ADAMTS6: variants seen among roughly 807,000 people sequenced by gnomAD.
ADAMTS6 encodes the protein ADAM metallopeptidase with thrombospondin type 1 motif 6.
Under a neutral mutation model 144.3 loss-of-function variants are expected in ADAMTS6, and 23 were observed. That is an observed-to-expected ratio of 0.16 (90% CI 0.11 to 0.23). The LOEUF is 0.23. Among genes scored for constraint, ADAMTS6 ranks in the 10% least tolerant of loss-of-function variants. The probability of loss-of-function intolerance (pLI) is 1.00; values close to 1 mark genes in which losing one functional copy is unlikely to be tolerated. For synonymous variants in ADAMTS6, 444 were observed against 457.5 expected (o/e 0.97, Z 0.38); for missense variants, 999 against 1,379.6 (o/e 0.72, Z 4.37).
intron 12 of ADAMTS6, among the ~76,000 whole-genome samples, chr5:65,271,846 G>A (rs1350075375): frequency 6.6e-6 from 1 of 151,898 alleles, no homozygotes; most frequent in Non-Finnish European, 1.5e-5. Flanking sequence ...TTTCAAGAAT[G>A]CAATTCCTAA....
chr5:65,465,843 T>C (rs553356622), intron 3 of ADAMTS6, among the ~76,000 whole-genome samples: 2 of 152,354 alleles, frequency 1.3e-5, no homozygotes, highest in South Asian at 4.1e-4. Context: ...CCCTGACCTC[T>C]TGGAATGCCC....
chr5:65,372,057 T>C (rs369010878), intron 7 of ADAMTS6, among the ~76,000 whole-genome samples: 1 of 151,808 alleles, frequency 6.6e-6, no homozygotes, highest in East Asian at 1.9e-4. Context: ...AAATACTTTA[T>C]AGACAAGCAA....
intron 7 of ADAMTS6, among the ~76,000 whole-genome samples, chr5:65,419,007 G>A (rs181011088): frequency 6.6e-6 from 1 of 152,256 alleles, no homozygotes; most frequent in Admixed American, 6.5e-5. Context: ...CAAAGAACTT[G>A]AAACCGAATT....
At chr5:65,407,094 A>G (rs1754584853) in intron 7 of ADAMTS6, among the ~76,000 whole-genome samples, 1 of 152,194 alleles carries the variant, frequency 6.6e-6, no homozygotes, top group Non-Finnish European at 1.5e-5. Context: ...AGCCCAACCT[A>G]GCAAGGCAAG....
chr5:65,418,704 A>T (rs1179451862), intron 7 of ADAMTS6, among the ~76,000 whole-genome samples: 3 of 152,236 alleles, frequency 2.0e-5, no homozygotes, highest in Non-Finnish European at 2.9e-5. Context: ...CAACTCAACA[A>T]GAAAATAAAT....
At chr5:65,156,496 C>T (rs1752431042) in intron 24 of ADAMTS6, among the ~76,000 whole-genome samples, 1 of 152,098 alleles carries the variant, frequency 6.6e-6, no homozygotes, top group South Asian at 2.1e-4. Context: ...TTACAGTTGG[C>T]ATTGATTTCT....
chr5:65,432,845 A>C (rs1330123253), intron 7 of ADAMTS6, among the ~76,000 whole-genome samples: 1 of 152,056 alleles, frequency 6.6e-6, no homozygotes, highest in African/African-American at 2.4e-5. Context: ...CAGTAAGCTC[A>C]TTCTTTAACT....
chr5:65,276,802 C>T (rs753561191), intron 11 of ADAMTS6, among the ~76,000 whole-genome samples: 39 of 152,008 alleles, frequency 2.6e-4, no homozygotes, highest in Admixed American at 7.9e-4. Flanking sequence ...AGGCAGATTT[C>T]CCTAAATAAA....
intron 14 of ADAMTS6, 53 bp downstream of exon 14, chr5:65,260,547 A>G (rs1761091576): frequency 2.0e-6 from 3 of 1,485,418 alleles, no homozygotes; most frequent in Non-Finnish European, 2.8e-6. Context: ...AAATTTCCCT[A>G]CTCTAGGGAA....
At chr5:65,396,434 A>G (rs913460301) in intron 7 of ADAMTS6, among the ~76,000 whole-genome samples, 2 of 152,200 alleles carry the variant, frequency 1.3e-5, no homozygotes, top group East Asian at 1.9e-4. Flanking sequence ...ATTGAAACAG[A>G]CAGATATTTT....
In ADAMTS6 at chr5:65,473,559, C is replaced by T. The variant is rs766276828; in HGVS notation, c.97+18G>A. 8 of 1,592,624 alleles carry T rather than the reference C, an allele frequency of 5.0e-6. No individual in the cohort carries two copies. The highest frequency in any genetic ancestry group is 6.8e-6 in the Non-Finnish European group (8 of 1,168,194). ...TAATAGCAATATTTTTTGTCAGTTT[C>T]AAAAGCAAGAATCCTACCTTGAGAA... On this transcript the variant is annotated intron_variant, in intron 2 of 24. Transcript: ENST00000381055.
At chr5:65,422,111 G>GA (rs910827565) in intron 7 of ADAMTS6, among the ~76,000 whole-genome samples, 8 of 150,414 alleles carry the variant, frequency 5.3e-5, no homozygotes, top group Middle Eastern at 3.4e-3. Flanking sequence ...AAATCAGCAA[G>GA]AAAAAAAAAT....
rs116563303 is a variant in ADAMTS6, at chr5:65,472,725, C to T, written c.97+852G>A. ...AATATAAACTCCTATAAAACCATAA[C>T]CAAATGTAAATAAATTCAAAGACAG... On this transcript the variant is annotated intron_variant, in intron 2 of 24. Coordinates refer to ENST00000381055, the MANE Select transcript of ADAMTS6 (RefSeq NM_197941.4). Among the ~76,000 whole-genome samples the T allele has an allele frequency of 2.5e-3, 385 of 152,184 alleles. 1 individual carries two copies. Among genetic ancestry groups the T allele is most frequent in the African/African-American group, 8.6e-3 (359 of 41,546 alleles).
chr5:65,272,328 G>A (rs1286775320), intron 12 of ADAMTS6, among the ~76,000 whole-genome samples: 1 of 152,070 alleles, frequency 6.6e-6, no homozygotes, highest in Non-Finnish European at 1.5e-5. Flanking sequence ...TACACAAACT[G>A]CTACTATCTG....
At chr5:65,422,647 A>C (rs11745783) in intron 7 of ADAMTS6, among the ~76,000 whole-genome samples, 1 of 88,754 alleles carries the variant, frequency 1.1e-5, no homozygotes, top group Non-Finnish European at 2.1e-5. Context: ...TAAAAAAATT[A>C]AAAAATTAAA....
intron 7 of ADAMTS6, among the ~76,000 whole-genome samples, chr5:65,398,850 AAAAGAAAGAGAAAG>A (rs1753669058): frequency 7.5e-6 from 1 of 133,718 alleles, no homozygotes; most frequent in East Asian, 2.4e-4. Context: ...GAAAGAAAGA[AAAAGAAAGAGAAAG>A]AAAGAAAGAA....
intron 21 of ADAMTS6, among the ~76,000 whole-genome samples, chr5:65,192,733 C>G (rs1159489709): frequency 6.6e-6 from 1 of 151,312 alleles, no homozygotes; most frequent in Non-Finnish European, 1.5e-5. Flanking sequence ...ACCTTGACTA[C>G]TATACTCTTT....
At chr5:65,424,815 A>T (rs151254812) in intron 7 of ADAMTS6, among the ~76,000 whole-genome samples, 23 of 152,292 alleles carry the variant, frequency 1.5e-4, no homozygotes, top group African/African-American at 5.5e-4. Flanking sequence ...CTTTTTAATT[A>T]TGTTGTTTTC....
intron 7 of ADAMTS6, among the ~76,000 whole-genome samples, chr5:65,371,032 C>T (rs563571061): frequency 1.4e-4 from 21 of 152,084 alleles, no homozygotes; most frequent in African/African-American, 1.9e-4. Context: ...CTCACATGGC[C>T]GGGTACTCCA....
Sources: gnomAD v4.1 joint callset for allele counts (sites outside exome capture counted in the v4.1 genomes callset) on GRCh38, gnomAD v4.1.1 for gene constraint, MANE v1.5 for transcripts, NCBI Gene and HGNC (gene_info 2026-07-23, HGNC 2026-07-21) for gene names.